Variants in COL5A2 observed in about 807,000 individuals in gnomAD.
The protein encoded by COL5A2 is collagen alpha-2(V) chain.
COL5A2 carries 23 observed loss-of-function variants against 208.2 expected under a neutral mutation model. The ratio of observed to expected loss-of-function variants is 0.11; its 90% CI spans 0.08 to 0.16. The LOEUF (loss-of-function observed/expected upper bound fraction) is 0.16. COL5A2 is among the 10% of genes least tolerant of loss of function. The probability of loss-of-function intolerance (pLI) is 1.00; values close to 1 mark genes in which losing one functional copy is unlikely to be tolerated. For missense variants in COL5A2, 1,590 were observed against 1,956.4 expected, an observed-to-expected ratio of 0.81 and a Z score of 3.53; for synonymous variants, 625 against 628.5, an observed-to-expected ratio of 0.99 and a Z score of 0.08.
At chr2:189,238,414 A>G in the COL5A2 span, among the ~76,000 whole-genome samples, 5 of 152,082 alleles carry the variant, frequency 3.3e-5, no homozygotes, top group African/African-American at 1.2e-4. Context: ...AAAAGGATAA[A>G]CTTCCAGTAG....
the COL5A2 span, among the ~76,000 whole-genome samples, chr2:189,332,758 A>T: frequency 1.3e-5 from 2 of 152,332 alleles, no homozygotes; most frequent in Admixed American, 1.3e-4. Flanking sequence ...TGTCTTTATA[A>T]GAAATGTGAA....
the COL5A2 span, among the ~76,000 whole-genome samples, chr2:189,290,983 T>C: frequency 6.6e-6 from 1 of 152,168 alleles, no homozygotes; most frequent in African/African-American, 2.4e-5. Flanking sequence ...GACAGGCATA[T>C]ATTAGTAAAT....
chr2:189,122,284 G>T (rs1283863310), intron 1 of COL5A2, among the ~76,000 whole-genome samples: 1 of 152,130 alleles, frequency 6.6e-6, no homozygotes, highest in Non-Finnish European at 1.5e-5. Flanking sequence ...AATTATCTGA[G>T]AAAGGGTGAG....
chr2:189,171,547 T>C (rs1439180113), intron 1 of COL5A2, among the ~76,000 whole-genome samples: 1 of 152,204 alleles, frequency 6.6e-6, no homozygotes, highest in African/African-American at 2.4e-5. Flanking sequence ...ATTGGAATTG[T>C]GCTGATTGAA....
At chr2:189,072,416 T>C (rs1686295127) in intron 17 of COL5A2, among the ~76,000 whole-genome samples, 1 of 152,156 alleles carries the variant, frequency 6.6e-6, no homozygotes, top group South Asian at 2.1e-4. Context: ...AATAATATAG[T>C]TTTTAGAAAG....
In COL5A2 at chr2:189,051,456, A is replaced by T; in HGVS notation, c.2795T>A (p.Leu932Gln). Residue 932 changes from leucine (L) to glutamine (Q), a missense_variant, in exon 42 of 54, where the codon CTA becomes CAA. Leu to Gln is a moderately radical substitution (Grantham distance 113). Transcript: ENST00000374866. The stretch of plus-strand genomic sequence containing the variant: ...AGGTCCCTCCTTCCCGGGTTCCCCT[A>T]GGGGTCCCGCAGGTCCTGGAGCTCC... ...PAGAPGPAGP[L>Q]GEPGKEGPPG... 1 of 1,611,178 alleles carries T rather than the reference A, an allele frequency of 6.2e-7. No individual in the cohort carries two copies. Among genetic ancestry groups the T allele is most frequent in the East Asian group, 2.2e-5 (1 of 44,796 alleles).
chr2:189,104,632 T>G (rs968649475), intron 2 of COL5A2, among the ~76,000 whole-genome samples: 1 of 151,878 alleles, frequency 6.6e-6, no homozygotes, highest in Admixed American at 6.6e-5. Context: ...TTTATTCATA[T>G]GGTTCAAAAG....
the COL5A2 span, among the ~76,000 whole-genome samples, chr2:189,437,041 G>T: frequency 7.2e-4 from 110 of 152,128 alleles, no homozygotes; most frequent in East Asian, 0.02. Flanking sequence ...AAGAGAGAGA[G>T]AAAGTCTGAA....
At chr2:189,249,423 T>C in the COL5A2 span, among the ~76,000 whole-genome samples, 1 of 152,224 alleles carries the variant, frequency 6.6e-6, no homozygotes. Context: ...TAGTTTCCTA[T>C]GGTAATTCAG....
chr2:189,033,401 C>T lies in COL5A2; in HGVS notation c.*669G>A, dbSNP rs565713076. The T allele has an allele frequency of 1.3e-5, 2 of 151,972 alleles. No individual in the cohort carries two copies. Among genetic ancestry groups the T allele is most frequent in the South Asian group, 2.1e-4 (1 of 4,792 alleles). The allele number at this position is 151,972 out of a possible 1,614,324, so 9.4% of individuals were successfully genotyped here. A position where few individuals can be genotyped will look rare whatever the true frequency, so the allele number is the denominator to read the frequency against. ...AGTCTTTTACAAAAATTTAAGAAGT[C>T]GAAGTAAATTCACTTTGTTCTCCAA... On this transcript the variant is annotated 3_prime_UTR_variant, in exon 54 of 54. Coordinates refer to ENST00000374866, the MANE Select transcript of COL5A2 (RefSeq NM_000393.5).
intron 1 of COL5A2, among the ~76,000 whole-genome samples, chr2:189,149,869 A>G (rs1688111767): frequency 6.6e-6 from 1 of 152,208 alleles, no homozygotes; most frequent in South Asian, 2.1e-4. Context: ...GAAAATCTCC[A>G]TGGTAATGCT....
At position 189,057,365 on chromosome 2, in the gene COL5A2, C is replaced by A; in HGVS notation, c.2292G>T (p.Pro764=). Reference sequence around the variant, plus strand: ...GAGTTCCTGCAATTCCTCTTTCTCCCGGCATACCTTGAAGACCTGGTGGGC... The same window carrying A: ...GAGTTCCTGCAATTCCTCTTTCTCCAGGCATACCTTGAAGACCTGGTGGGC... ...DTGPPGLQGM[P]GERGIAGTPG... is the part of the protein sequence containing the mutation. The change falls in exon 34 of 54, where the codon CCG becomes CCT. Residue 764 remains proline, a synonymous_variant. Transcript: ENST00000374866. The A allele has an allele frequency of 6.2e-7, 1 of 1,613,522 alleles. No individual in the cohort carries two copies. The highest frequency in any genetic ancestry group is 8.5e-7 in the Non-Finnish European group (1 of 1,179,900).
At chr2:189,364,774 T>C in the COL5A2 span, among the ~76,000 whole-genome samples, 1 of 151,654 alleles carries the variant, frequency 6.6e-6, no homozygotes, top group African/African-American at 2.4e-5. Context: ...TTCTGCAAAA[T>C]ACTTGACCAG....
chr2:189,342,364 T>C, the COL5A2 span, among the ~76,000 whole-genome samples: 11 of 147,336 alleles, frequency 7.5e-5, no homozygotes, highest in East Asian at 2.0e-3. Flanking sequence ...TTTATATATA[T>C]AATTTATATA....
the COL5A2 span, among the ~76,000 whole-genome samples, chr2:189,312,275 G>A: frequency 9.9e-5 from 15 of 152,202 alleles, no homozygotes; most frequent in South Asian, 2.5e-3. Flanking sequence ...CCAGGTGGTC[G>A]TTCAGGCTTT....
chr2:189,077,369 A>T (rs1422925609), intron 16 of COL5A2, among the ~76,000 whole-genome samples: 3 of 152,208 alleles, frequency 2.0e-5, no homozygotes, highest in Admixed American at 6.5e-5. Flanking sequence ...ACTGTATCAA[A>T]AAAACAGAAT....
chr2:189,263,719 G>C, the COL5A2 span, among the ~76,000 whole-genome samples: 9 of 152,080 alleles, frequency 5.9e-5, no homozygotes, highest in East Asian at 1.7e-3. Flanking sequence ...TCTATGTTTA[G>C]ATAGATTTAG....
intron 7 of COL5A2, among the ~76,000 whole-genome samples, chr2:189,090,104 T>C (rs1559098859): frequency 6.6e-6 from 1 of 152,170 alleles, no homozygotes; most frequent in Non-Finnish European, 1.5e-5. Context: ...GTCATCCAAC[T>C]TATGAATGCA....
At chr2:189,432,173 G>T in the COL5A2 span, among the ~76,000 whole-genome samples, 1 of 152,118 alleles carries the variant, frequency 6.6e-6, no homozygotes, top group African/African-American at 2.4e-5. Flanking sequence ...CACCAGGCCT[G>T]CCCTACAAAG....
Sources: allele counts gnomAD v4.1 joint callset (sites outside exome capture counted in the v4.1 genomes callset), GRCh38; gene constraint gnomAD v4.1.1; transcripts MANE v1.5; gene names NCBI Gene and HGNC (gene_info 2026-07-23, HGNC 2026-07-21).